The following EXOC6B variants were observed in gnomAD, a reference collection of about 807,000 sequenced individuals.
The protein encoded by EXOC6B is SEC15 homolog B.
Under a neutral mutation model 113.5 loss-of-function variants are expected in EXOC6B, and 54 were observed. That is an observed-to-expected ratio of 0.48 (90% CI 0.38 to 0.60). The LOEUF is 0.60. EXOC6B is among the 20% of genes least tolerant of loss of function. The pLI, the probability that EXOC6B is intolerant of heterozygous loss-of-function variation, is 0.00. For missense variants in EXOC6B, 797 were observed against 977.5 expected (o/e 0.82, Z 2.46); for synonymous variants, 357 against 339.0 (o/e 1.05, Z -0.58).
chr2:72,207,459 T>A (rs1679904475), intron 20 of EXOC6B, among the ~76,000 whole-genome samples: 1 of 152,142 alleles, frequency 6.6e-6, no homozygotes. Context: ...CATATATAAT[T>A]AGGTAGGCAT....
intron 6 of EXOC6B, among the ~76,000 whole-genome samples, chr2:72,686,054 C>A (rs1677066581): frequency 6.6e-6 from 1 of 152,224 alleles, no homozygotes; most frequent in Admixed American, 6.5e-5. Flanking sequence ...TGGCACCAAG[C>A]AGGACCAGTC....
chr2:72,476,942 C>T (rs535173203), intron 17 of EXOC6B, among the ~76,000 whole-genome samples: 1 of 152,262 alleles, frequency 6.6e-6, no homozygotes, highest in Non-Finnish European at 1.5e-5. Context: ...CCTGCTGGTT[C>T]CAAGATCCAT....
chr2:72,224,994 G>GTATATATATA (rs1553468230), intron 20 of EXOC6B, among the ~76,000 whole-genome samples: 1 of 137,256 alleles, frequency 7.3e-6, no homozygotes, highest in African/African-American at 2.6e-5. Flanking sequence ...GTGTGTGTGT[G>GTATATATATA]TATATATATA....
At chr2:72,550,292 C>A (rs1703136177) in intron 8 of EXOC6B, among the ~76,000 whole-genome samples, 1 of 151,926 alleles carries the variant, frequency 6.6e-6, no homozygotes, top group African/African-American at 2.4e-5. Context: ...AATGGGATAA[C>A]AAAGAAAGAG....
At chr2:72,569,635 A>G (rs1200763305) in intron 7 of EXOC6B, among the ~76,000 whole-genome samples, 1 of 152,186 alleles carries the variant, frequency 6.6e-6, no homozygotes, top group Non-Finnish European at 1.5e-5. Flanking sequence ...ATCGGTTGCC[A>G]ATCTGCAACC....
intron 8 of EXOC6B, chr2:72,515,468 T>C: frequency 2.8e-6 from 3 of 1,068,386 alleles, no homozygotes; most frequent in Non-Finnish European, 3.4e-6. Context: ...GGTAAGAAAA[T>C]GCTCCTTAAA....
intron 8 of EXOC6B, among the ~76,000 whole-genome samples, chr2:72,557,304 G>C (rs1453766379): frequency 2.1e-5 from 1 of 47,864 alleles, no homozygotes; most frequent in Non-Finnish European, 4.0e-5. Flanking sequence ...GGGGGGGGGG[G>C]GCCTTTATGA....
intron 6 of EXOC6B, among the ~76,000 whole-genome samples, chr2:72,701,291 G>A (rs912435176): frequency 4.7e-5 from 7 of 147,428 alleles, no homozygotes; most frequent in East Asian, 2.0e-4. Flanking sequence ...GCAGTGAGCC[G>A]AGATCGTACC....
chr2:72,251,793 C>G (rs1414637690), intron 20 of EXOC6B, among the ~76,000 whole-genome samples: 1 of 152,166 alleles, frequency 6.6e-6, no homozygotes, highest in African/African-American at 2.4e-5. Flanking sequence ...GTAACTATAA[C>G]TGAAATAAAA....
intron 18 of EXOC6B, among the ~76,000 whole-genome samples, chr2:72,455,407 CA>C (rs1258727609): frequency 6.6e-6 from 1 of 152,060 alleles, no homozygotes; most frequent in East Asian, 1.9e-4. Flanking sequence ...TCACCATGAC[CA>C]AAATTTTATA....
At chr2:72,405,939 T>C (rs897150555) in intron 18 of EXOC6B, among the ~76,000 whole-genome samples, 2 of 152,186 alleles carry the variant, frequency 1.3e-5, no homozygotes, top group African/African-American at 4.8e-5. Context: ...CCCATCAGTG[T>C]GCTGCATTCA....
chr2:72,352,398 T>C (rs1689704632), intron 19 of EXOC6B, among the ~76,000 whole-genome samples: 2 of 152,204 alleles, frequency 1.3e-5, no homozygotes, highest in African/African-American at 4.8e-5. Context: ...GTTTTCTAAA[T>C]GGAAGTGTTG....
intron 6 of EXOC6B, among the ~76,000 whole-genome samples, chr2:72,683,792 C>A (rs1676880908): frequency 1.3e-5 from 2 of 152,148 alleles, no homozygotes; most frequent in South Asian, 4.1e-4. Flanking sequence ...TGACTTCAGC[C>A]CAGCTATCTC....
intron 18 of EXOC6B, among the ~76,000 whole-genome samples, chr2:72,458,821 TA>T (rs910346822): frequency 2.7e-4 from 41 of 151,974 alleles, no homozygotes; most frequent in Non-Finnish European, 5.6e-4. Context: ...GAGGTTAAAG[TA>T]AGGAGTACAA....
intron 18 of EXOC6B, among the ~76,000 whole-genome samples, chr2:72,428,693 C>A (rs969462531): frequency 6.6e-6 from 1 of 152,204 alleles, no homozygotes; most frequent in East Asian, 1.9e-4. Flanking sequence ...AAGGCACCAA[C>A]AGCCAGAGGT....
chr2:72,342,222 A>C (rs1689069811), intron 19 of EXOC6B, among the ~76,000 whole-genome samples: 1 of 152,074 alleles, frequency 6.6e-6, no homozygotes, highest in Non-Finnish European at 1.5e-5. Flanking sequence ...GAACTACAAA[A>C]AGAACCAACT....
intron 20 of EXOC6B, among the ~76,000 whole-genome samples, chr2:72,313,554 C>A (rs116787458): frequency 4.6e-5 from 7 of 152,046 alleles, no homozygotes; most frequent in Admixed American, 1.3e-4. Flanking sequence ...GTAAAATTAC[C>A]ACTAGATTCT....
chr2:72,504,936 T>C (rs912975288), intron 11 of EXOC6B, among the ~76,000 whole-genome samples: 13 of 152,166 alleles, frequency 8.5e-5, no homozygotes, highest in African/African-American at 3.1e-4. Flanking sequence ...GCTCATTTTT[T>C]CTCTTTTGAG....
chr2:72,224,992 G>GTATATATATATATATA (rs1325223051), intron 20 of EXOC6B, among the ~76,000 whole-genome samples: 1 of 118,102 alleles, frequency 8.5e-6, no homozygotes, highest in African/African-American at 2.9e-5. Context: ...ATGTGTGTGT[G>GTATATATATATATATA]TGTATATATA....
Sources: allele counts gnomAD v4.1 joint callset (sites outside exome capture counted in the v4.1 genomes callset), GRCh38; gene constraint gnomAD v4.1.1; transcripts MANE v1.5; gene names NCBI Gene and HGNC (gene_info 2026-07-23, HGNC 2026-07-21).